The following LAMA2 variants were observed in gnomAD, a reference collection of about 807,000 sequenced individuals.
The protein encoded by LAMA2 is laminin subunit alpha-2.
In LAMA2, 269 loss-of-function variants were observed where a neutral mutation model predicts 364.8. The observed-to-expected ratio is 0.74, with a 90% CI of 0.67 to 0.82. LAMA2 has a LOEUF of 0.82. Ranked by LOEUF, LAMA2 falls within the 40% of genes least tolerant of loss-of-function variation. The pLI is 0.00. For missense variants in LAMA2, 3,807 were observed against 3,873.2 expected, an observed-to-expected ratio of 0.98 and a Z score of 0.45; for synonymous variants, 1,379 against 1,370.6, an observed-to-expected ratio of 1.01 and a Z score of -0.14.
intron 10 of LAMA2, among the ~76,000 whole-genome samples, chr6:129,178,280 A>G (rs1273976694): frequency 6.6e-6 from 1 of 152,214 alleles, no homozygotes; most frequent in African/African-American, 2.4e-5. Context: ...GTTTGAACCC[A>G]GATAAGCCTT....
At chr6:129,078,078 T>C (rs1420823109) in intron 3 of LAMA2, among the ~76,000 whole-genome samples, 1 of 151,988 alleles carries the variant, frequency 6.6e-6, no homozygotes, top group East Asian at 1.9e-4. Flanking sequence ...GGGATAGTGA[T>C]AATAGGGGAG....
chr6:129,359,836 G>A (rs1336822829), intron 32 of LAMA2, among the ~76,000 whole-genome samples: 1 of 152,048 alleles, frequency 6.6e-6, no homozygotes, highest in East Asian at 1.9e-4. Context: ...TTTTGTGACA[G>A]TAAGCCAGTA....
intron 41 of LAMA2, among the ~76,000 whole-genome samples, chr6:129,428,153 G>A (rs1015675176): frequency 2.0e-5 from 3 of 152,176 alleles, no homozygotes; most frequent in African/African-American, 7.2e-5. Flanking sequence ...ACCCAGGCCA[G>A]CCATAGTGGC....
rs878879827 is a variant in LAMA2, at chr6:129,403,942, C to T, written c.5848C>T (p.His1950Tyr). 6.2e-7 allele frequency: 1 copy of T among 1,613,886 alleles called. No homozygotes were observed. Among genetic ancestry groups the T allele is most frequent in the East Asian group, 2.2e-5 (1 of 44,856 alleles). Reference protein sequence around the residue: ...KVAKEAKDLAHEATKLATGPR... With the variant: ...KVAKEAKDLAYEATKLATGPR... ...TGCCAAAGAAGCCAAAGATCTTGCA[C>T]ATGAAGCTACAAAACTGGTAAGAAA... Residue 1950 changes from histidine (H) to tyrosine (Y), a missense_variant, in exon 40 of 65, where the codon CAT (histidine) becomes TAT (tyrosine). His to Tyr is a moderately conservative substitution (Grantham distance 83). Around this residue, in one of 3 missense-constraint regions of LAMA2, gnomAD observed 3,333 missense variants for 3,345.7 expected, o/e 1.00. Transcript: ENST00000421865.
chr6:129,139,971 A>G (rs1289701858), intron 4 of LAMA2, among the ~76,000 whole-genome samples: 1 of 152,088 alleles, frequency 6.6e-6, no homozygotes, highest in Non-Finnish European at 1.5e-5. Flanking sequence ...CTTATTTCAA[A>G]GTTTCTGATA....
At chr6:128,916,425 C>T (rs1778319487) in intron 1 of LAMA2, among the ~76,000 whole-genome samples, 1 of 152,194 alleles carries the variant, frequency 6.6e-6, no homozygotes. Context: ...AAACAACTGG[C>T]GTTAAAATCA....
At chr6:129,391,137 A>G (rs959784301) in intron 35 of LAMA2, among the ~76,000 whole-genome samples, 2 of 152,212 alleles carry the variant, frequency 1.3e-5, no homozygotes, top group Non-Finnish European at 2.9e-5. Flanking sequence ...TCAGCAATGC[A>G]GAGCTTGCGT....
intron 22 of LAMA2, 44 bp from the exon 23 acceptor site, chr6:129,312,817 C>A: frequency 7.7e-7 from 1 of 1,306,968 alleles, no homozygotes; most frequent in Non-Finnish European, 1.1e-6. Context: ...AAGATATTTC[C>A]CATAAAGTTG....
chr6:129,089,719 G>T (rs963485077), intron 3 of LAMA2, among the ~76,000 whole-genome samples: 2 of 152,202 alleles, frequency 1.3e-5, no homozygotes, highest in African/African-American at 4.8e-5. Flanking sequence ...GAAAATGCTT[G>T]CCTGGGTTTT....
chr6:129,304,898 A>G (rs1404779395), intron 22 of LAMA2, among the ~76,000 whole-genome samples: 1 of 152,126 alleles, frequency 6.6e-6, no homozygotes, highest in African/African-American at 2.4e-5. Flanking sequence ...AATAGTGTTC[A>G]GTTTGTTTAT....
At chr6:128,915,944 A>T (rs756519985) in intron 1 of LAMA2, among the ~76,000 whole-genome samples, 2 of 152,232 alleles carry the variant, frequency 1.3e-5, no homozygotes, top group African/African-American at 2.4e-5. Context: ...CTAAAATAAG[A>T]TGTGTAATAC....
At chr6:129,441,815 CA>C (rs1259288620) in intron 43 of LAMA2, among the ~76,000 whole-genome samples, 1 of 151,910 alleles carries the variant, frequency 6.6e-6, no homozygotes, top group Non-Finnish European at 1.5e-5. Flanking sequence ...CCCATCTTTA[CA>C]AAAAATTTAA....
chr6:129,018,068 T>C (rs752761643), intron 1 of LAMA2, among the ~76,000 whole-genome samples: 1 of 151,882 alleles, frequency 6.6e-6, no homozygotes, highest in Non-Finnish European at 1.5e-5. Context: ...CTACAGACTT[T>C]GTCAAATCTA....
chr6:129,266,526 A>G (rs1787528341), intron 15 of LAMA2, among the ~76,000 whole-genome samples: 1 of 152,188 alleles, frequency 6.6e-6, no homozygotes, highest in Non-Finnish European at 1.5e-5. Context: ...GAGGAAATTT[A>G]GCATGAAATA....
At chr6:129,447,298 C>T (rs1162909003) in intron 45 of LAMA2, among the ~76,000 whole-genome samples, 2 of 152,184 alleles carry the variant, frequency 1.3e-5, no homozygotes, top group Non-Finnish European at 2.9e-5. Flanking sequence ...AGAACAATCA[C>T]CTCTAGTAGG....
intron 37 of LAMA2, among the ~76,000 whole-genome samples, chr6:129,399,661 A>G (rs577371293): frequency 6.6e-6 from 1 of 152,282 alleles, no homozygotes; most frequent in Non-Finnish European, 1.5e-5. Context: ...AGGAGTGGCT[A>G]TTACCAGAAT....
chr6:129,457,524 C>T (rs142809455), intron 48 of LAMA2, among the ~76,000 whole-genome samples: 233 of 152,072 alleles, frequency 1.5e-3, no homozygotes, highest in African/African-American at 5.4e-3. Flanking sequence ...CTTTGGTTAT[C>T]TCAACTAGAA....
Position 129,048,551 on chromosome 6 carries a change from T to TTCTTTC in LAMA2, c.113-1364_113-1363insTTCTCT, listed in dbSNP as rs1490796772. On this transcript the variant is annotated intron_variant, in intron 1 of 64. Coordinates refer to ENST00000421865, the MANE Select transcript of LAMA2 (RefSeq NM_000426.4). Reference sequence around the variant, plus strand: ...TTCCTTCCTTCCTTCCTTTCTTTCTTTCTCTCTCTCTCTCTCTTTCTTTCT... The same window carrying TTCTTTC: ...TTCCTTCCTTCCTTCCTTTCTTTCTTTCTTTCTCTCTCTCTCTCTCTCTTTCTTTCT... Among the ~76,000 whole-genome samples, 255 of 98,910 alleles carry TTCTTTC rather than the reference T, an allele frequency of 2.6e-3. 3 individuals are homozygous for TTCTTTC. The highest frequency in any genetic ancestry group is 0.012 in the African/African-American group (240 of 20,244). 64.9% of individuals were successfully genotyped at this position (98,910 alleles called of 152,430 possible). A position where few individuals can be genotyped will look rare whatever the true frequency, so the allele number is the denominator to read the frequency against.
intron 19 of LAMA2, among the ~76,000 whole-genome samples, chr6:129,290,844 T>C (rs924327307): frequency 3.3e-5 from 5 of 152,184 alleles, no homozygotes; most frequent in Non-Finnish European, 2.9e-5. Flanking sequence ...AAATGAAATA[T>C]GTTTTGTATG....
Sources: allele counts gnomAD v4.1 joint callset (sites outside exome capture counted in the v4.1 genomes callset), GRCh38; gene constraint gnomAD v4.1.1; regional missense constraint gnomAD v4.1.1; transcripts MANE v1.5; gene names NCBI Gene and HGNC (gene_info 2026-07-23, HGNC 2026-07-21).